Variants in CERS6 observed in about 807,000 individuals in gnomAD.
CERS6 encodes the protein ceramide synthase 6, also known as LAG1 homolog, ceramide synthase 6.
In CERS6, 26 loss-of-function variants were observed where a neutral mutation model predicts 56.8. The ratio of observed to expected loss-of-function variants is 0.46; its 90% CI spans 0.34 to 0.63. CERS6 has a LOEUF of 0.63. Ranked by LOEUF, CERS6 falls within the 30% of genes least tolerant of loss-of-function variation. The pLI is 0.01. For synonymous variants in CERS6, 164 were observed against 173.3 expected (o/e 0.95, Z 0.42); for missense variants, 415 against 467.5 (o/e 0.89, Z 1.04).
At chr2:168,675,307 G>A (rs911879564) in intron 4 of CERS6, among the ~76,000 whole-genome samples, 6 of 151,986 alleles carry the variant, frequency 3.9e-5, no homozygotes, top group Admixed American at 6.6e-5. Context: ...ACAATAGGCC[G>A]GGCATAGTGA....
At chr2:168,607,660 G>A (rs13391115) in intron 3 of CERS6, among the ~76,000 whole-genome samples, 9,536 of 152,204 alleles carry the variant, frequency 0.063, 426 homozygotes, top group Non-Finnish European at 0.093. Context: ...GATTACAGGC[G>A]TGAGCCACTG....
chr2:168,674,575 C>T (rs572628202), intron 4 of CERS6, among the ~76,000 whole-genome samples: 44 of 152,294 alleles, frequency 2.9e-4, no homozygotes, highest in Admixed American at 9.8e-4. Context: ...TTTGAAGGAA[C>T]TTACATCTTG....
chr2:168,594,794 A>C (rs1162768529), intron 3 of CERS6, among the ~76,000 whole-genome samples: 1 of 152,148 alleles, frequency 6.6e-6, no homozygotes, highest in Non-Finnish European at 1.5e-5. Flanking sequence ...CTGTGGAACT[A>C]ATAATGAGCA....
chr2:168,727,016 C>T (rs1001483384), intron 8 of CERS6, among the ~76,000 whole-genome samples: 1 of 152,210 alleles, frequency 6.6e-6, no homozygotes, highest in South Asian at 2.1e-4. Flanking sequence ...GGGCATACCA[C>T]TGTTGCCAGA....
At chr2:168,606,620 A>G (rs895129272) in intron 3 of CERS6, 7 of 152,262 alleles carry the variant, frequency 4.6e-5, no homozygotes, top group Middle Eastern at 3.4e-3. Flanking sequence ...GACTGTTGGG[A>G]AGGTATGATT....
chr2:168,714,612 T>C (rs1687181819), intron 6 of CERS6, among the ~76,000 whole-genome samples: 1 of 152,228 alleles, frequency 6.6e-6, no homozygotes, highest in African/African-American at 2.4e-5. Context: ...TACAAAGCAC[T>C]CTTTGTGATA....
intron 3 of CERS6, among the ~76,000 whole-genome samples, chr2:168,597,835 A>G (rs981424956): frequency 2.4e-4 from 36 of 152,240 alleles, no homozygotes; most frequent in African/African-American, 7.7e-4. Context: ...GCTACCTCAG[A>G]GTCATCTAGG....
intron 4 of CERS6, among the ~76,000 whole-genome samples, chr2:168,681,015 A>G (rs903809246): frequency 6.6e-6 from 1 of 152,228 alleles, no homozygotes; most frequent in African/African-American, 2.4e-5. Context: ...GAGCTTGTCC[A>G]TTGCATCTTC....
chr2:168,744,440 T>G (rs1198219036), intron 8 of CERS6, among the ~76,000 whole-genome samples: 1 of 152,162 alleles, frequency 6.6e-6, no homozygotes, highest in East Asian at 1.9e-4. Context: ...ACTTATTGTC[T>G]GAAGGAGTTT....
chr2:168,740,079 C>CA (rs899761597), intron 8 of CERS6, among the ~76,000 whole-genome samples: 18 of 150,492 alleles, frequency 1.2e-4, no homozygotes, highest in African/African-American at 2.2e-4. Context: ...TTCAGTATGG[C>CA]AAAAAAAAGA....
intron 3 of CERS6, among the ~76,000 whole-genome samples, chr2:168,571,832 C>A (rs935546609): frequency 6.6e-6 from 1 of 152,166 alleles, no homozygotes; most frequent in Non-Finnish European, 1.5e-5. Flanking sequence ...CAATTATACT[C>A]TTTTAATTAT....
chr2:168,504,750 C>G (rs778982487), intron 1 of CERS6, among the ~76,000 whole-genome samples: 2 of 152,048 alleles, frequency 1.3e-5, no homozygotes, highest in African/African-American at 4.8e-5. Context: ...TATGGGCATG[C>G]TGCAGGGGCT....
At chr2:168,630,684 A>G (rs1188148632) in intron 3 of CERS6, among the ~76,000 whole-genome samples, 1 of 152,144 alleles carries the variant, frequency 6.6e-6, no homozygotes, top group Non-Finnish European at 1.5e-5. Flanking sequence ...ATATCCCTTC[A>G]TGAGTGATAA....
chr2:168,773,551 C>T lies in CERS6; in HGVS notation c.*3889C>T, dbSNP rs1684919950. On this transcript the variant is annotated 3_prime_UTR_variant, in exon 10 of 10. Transcript: ENST00000305747. Reference sequence around the variant, plus strand: ...TGGAAAAGTGATCACATGGCAGTTGCAGTAACTTGTATGGAAAGAGAAAAT... The same window carrying T: ...TGGAAAAGTGATCACATGGCAGTTGTAGTAACTTGTATGGAAAGAGAAAAT... 6.6e-6 allele frequency: 1 copy of T among 152,178 alleles called. No homozygotes were observed. Among genetic ancestry groups the T allele is most frequent in the Admixed American group, 6.5e-5 (1 of 15,282 alleles). 9.4% of individuals were successfully genotyped at this position (152,178 alleles called of 1,614,324 possible). A position where few individuals can be genotyped will look rare whatever the true frequency, so the allele number is the denominator to read the frequency against.
chr2:168,581,701 AT>A, intron 3 of CERS6, among the ~76,000 whole-genome samples: 1 of 151,984 alleles, frequency 6.6e-6, no homozygotes, highest in African/African-American at 2.4e-5. Flanking sequence ...GTGGTCTTTT[AT>A]TTTTTTACAT....
intron 2 of CERS6, among the ~76,000 whole-genome samples, chr2:168,557,248 A>T (rs1261824286): frequency 6.6e-6 from 1 of 152,188 alleles, no homozygotes; most frequent in Non-Finnish European, 1.5e-5. Flanking sequence ...AGGAATAAAC[A>T]TAGCAAGGTA....
At chr2:168,549,288 A>G (rs967651613) in intron 2 of CERS6, among the ~76,000 whole-genome samples, 1 of 152,096 alleles carries the variant, frequency 6.6e-6, no homozygotes, top group African/African-American at 2.4e-5. Context: ...TACTGGAGAA[A>G]TTTCCTCCAT....
intron 6 of CERS6, among the ~76,000 whole-genome samples, chr2:168,714,547 C>T (rs1237958486): frequency 2.0e-5 from 3 of 152,184 alleles, no homozygotes; most frequent in African/African-American, 7.2e-5. Flanking sequence ...TAGTGCCCTT[C>T]TTTTCTTGAA....
chr2:168,643,965 A>G (rs551798196), intron 4 of CERS6, among the ~76,000 whole-genome samples: 1 of 152,212 alleles, frequency 6.6e-6, no homozygotes, highest in South Asian at 2.1e-4. Context: ...CCGGTCTCCT[A>G]CTGGTGTCTC....
Sources: gnomAD v4.1 joint callset for allele counts (sites outside exome capture counted in the v4.1 genomes callset) on GRCh38, gnomAD v4.1.1 for gene constraint, MANE v1.5 for transcripts, NCBI Gene and HGNC (gene_info 2026-07-23, HGNC 2026-07-21) for gene names.